The following RRM1 variants were observed in gnomAD, a reference collection of about 807,000 sequenced individuals.
RRM1 encodes the protein ribonucleoside-diphosphate reductase large subunit.
Under a neutral mutation model 101.5 loss-of-function variants are expected in RRM1, and 19 were observed. The observed-to-expected ratio is 0.19, with a 90% CI of 0.13 to 0.27. The LOEUF (loss-of-function observed/expected upper bound fraction) is 0.27. Among genes scored for constraint, RRM1 ranks in the 10% least tolerant of loss-of-function variants. The pLI, the probability that RRM1 is intolerant of heterozygous loss-of-function variation, is 1.00. For synonymous variants in RRM1, 298 were observed against 323.4 expected (o/e 0.92, Z 0.84); for missense variants, 500 against 962.9 (o/e 0.52, Z 6.36).
chr11:4,099,974 G>A (rs1026467529), intron 1 of RRM1, among the ~76,000 whole-genome samples: 6 of 151,632 alleles, frequency 4.0e-5, no homozygotes, highest in African/African-American at 1.5e-4. Context: ...ATTGCAGAAC[G>A]CTAATGTTGC....
chr11:4,132,360 A>G lies in RRM1; in HGVS notation c.1844A>G (p.Glu615Gly). ...ASTAQILGNN[E>G]SIEPYTSNIY... ...ACTGCTCAGATCCTGGGGAATAATG[A>G]GTCCATTGAACCTTACACCAGCAAC... Residue 615 changes from glutamate (E) to glycine (G), a missense_variant, in exon 16 of 19, where the codon GAG (glutamate) becomes GGG (glycine). Glu to Gly is a moderately conservative substitution (Grantham distance 98). Transcript: ENST00000300738. This position sits in a 1 kb window ranked among gnomAD's most constrained non-coding sequence, Gnocchi z 4.1. The G allele has an allele frequency of 6.2e-7, 1 of 1,614,092 alleles. No homozygotes were observed. Among genetic ancestry groups the G allele is most frequent in the Non-Finnish European group, 8.5e-7 (1 of 1,179,978 alleles).
At chr11:4,107,598 T>C (rs1378142529) in intron 4 of RRM1, 63 bp downstream of exon 4, 2 of 1,021,458 alleles carry the variant, frequency 2.0e-6, no homozygotes, top group Non-Finnish European at 1.5e-6. Context: ...GCACACATTT[T>C]AGAAAATTTA....
chr11:4,105,464 C>T (rs908185977), intron 2 of RRM1: 2 of 342,770 alleles, frequency 5.8e-6, no homozygotes, highest in Non-Finnish European at 1.1e-5. Flanking sequence ...CTCCTGGGCT[C>T]AAGCGAGCCT....
chr11:4,101,373 C>G (rs936149143), intron 1 of RRM1, among the ~76,000 whole-genome samples: 1 of 151,432 alleles, frequency 6.6e-6, no homozygotes, highest in Non-Finnish European at 1.5e-5. Flanking sequence ...AATGCAATGG[C>G]GTGATCTCAG....
intron 15 of RRM1, among the ~76,000 whole-genome samples, chr11:4,130,086 A>ATATATATATATATATATT (rs1202870487): frequency 1.2e-4 from 12 of 99,444 alleles, no homozygotes; most frequent in South Asian, 3.1e-4. Context: ...ATATATATAT[A>ATATATATATATATATATT]TTTTTTTTTT....
intron 12 of RRM1, among the ~76,000 whole-genome samples, chr11:4,126,011 C>T (rs1249991854): frequency 6.6e-6 from 1 of 152,182 alleles, no homozygotes; most frequent in Non-Finnish European, 1.5e-5. Flanking sequence ...ATTATCAAGA[C>T]TTACTGTGTG....
intron 4 of RRM1, 110 bp from the exon 5 acceptor site, chr11:4,109,534 T>C: frequency 1.4e-6 from 1 of 709,996 alleles, no homozygotes; most frequent in Non-Finnish European, 2.3e-6. Flanking sequence ...TGTTATCTCA[T>C]TGTATCCTGT....
Position 4,101,559 on chromosome 11 carries a change from A to AC in RRM1, c.20-425dup, listed in dbSNP as rs1210051127. ...GAACTCCTGACCTCCAGTGATCCAC[A>AC]CCCCCCCCCGCTCCCTTGGCCTCCC... is the stretch of plus-strand genomic sequence containing the variant. On this transcript the variant is annotated intron_variant, in intron 1 of 18. Transcript: ENST00000300738. Among the ~76,000 whole-genome samples, 43 of 105,910 alleles carry AC rather than the reference A, an allele frequency of 4.1e-4. 4 individuals carry two copies. The highest frequency in any genetic ancestry group is 1.7e-3 in the African/African-American group (38 of 22,820). The allele number at this position is 105,910 out of a possible 152,430, so 69.5% of individuals were successfully genotyped here.
intron 17 of RRM1, 87 bp downstream of exon 17, chr11:4,133,745 G>C: frequency 1.4e-6 from 1 of 726,650 alleles, no homozygotes; most frequent in Non-Finnish European, 2.4e-6. Flanking sequence ...TGGAGAGAAT[G>C]ACTTCATTGT....
At chr11:4,135,032 A>G (rs1395389641) in intron 17 of RRM1, 50 bp from the exon 18 acceptor site, 1 of 1,389,884 alleles carries the variant, frequency 7.2e-7, no homozygotes, top group Non-Finnish European at 1.0e-6. Context: ...TTAATCATAC[A>G]CTGCTTTCTT....
At chr11:4,122,385 G>A (rs1294805681) in intron 11 of RRM1, among the ~76,000 whole-genome samples, 165 bp downstream of exon 11, 1 of 152,174 alleles carries the variant, frequency 6.6e-6, no homozygotes, top group Non-Finnish European at 1.5e-5. Context: ...CACCAAAATT[G>A]AGTTGTGTCT....
chr11:4,098,415 C>CTCCTTCCT (rs1176661396), intron 1 of RRM1, among the ~76,000 whole-genome samples: 1 of 118,844 alleles, frequency 8.4e-6, no homozygotes, highest in Non-Finnish European at 1.8e-5. Flanking sequence ...CCGTCCCTTC[C>CTCCTTCCT]TCCTTCCTTC....
intron 18 of RRM1, among the ~76,000 whole-genome samples, chr11:4,136,152 C>A (rs1487249480): frequency 6.6e-6 from 1 of 151,880 alleles, no homozygotes; most frequent in Non-Finnish European, 1.5e-5. Flanking sequence ...TGAGAGTACT[C>A]CTAGAGGAGA....
chr11:4,133,980 A>ATTTTTTTTTTTTTTTT (rs34715101), intron 17 of RRM1, among the ~76,000 whole-genome samples: 3 of 90,866 alleles, frequency 3.3e-5, no homozygotes, highest in African/African-American at 4.5e-5. Flanking sequence ...CCAGACATCA[A>ATTTTTTTTTTTTTTTT]TTTTTTTTTT....
At chr11:4,122,734 G>A (rs916503480) in intron 11 of RRM1, among the ~76,000 whole-genome samples, 1 of 152,072 alleles carries the variant, frequency 6.6e-6, no homozygotes, top group Non-Finnish European at 1.5e-5. Context: ...TTAGCTGGGC[G>A]TGGTGGTGCA....
At chr11:4,095,812 A>G (rs2094542823) in intron 1 of RRM1, among the ~76,000 whole-genome samples, 1 of 152,174 alleles carries the variant, frequency 6.6e-6, no homozygotes, top group African/African-American at 2.4e-5. Flanking sequence ...TTGTAGGAGG[A>G]GACAGTCCCT....
At chr11:4,122,011 G>C (rs894466989) in intron 10 of RRM1, 130 bp from the exon 11 acceptor site, 1 of 777,696 alleles carries the variant, frequency 1.3e-6, no homozygotes, top group Admixed American at 3.0e-5. Flanking sequence ...GCCTGAACCT[G>C]AAAATGATTA....
At chr11:4,126,148 A>T (rs145078124) in intron 12 of RRM1, among the ~76,000 whole-genome samples, 1 of 152,244 alleles carries the variant, frequency 6.6e-6, no homozygotes, top group Non-Finnish European at 1.5e-5. Flanking sequence ...ATTGAGATCC[A>T]TTGTTGCTAA....
chr11:4,119,763 T>C, intron 8 of RRM1, 82 bp from the exon 9 acceptor site: 1 of 820,644 alleles, frequency 1.2e-6, no homozygotes, highest in South Asian at 1.5e-5. Flanking sequence ...ATTAGGCATC[T>C]TTTTTGATAA....
Sources: allele counts gnomAD v4.1 joint callset (sites outside exome capture counted in the v4.1 genomes callset), GRCh38; gene constraint gnomAD v4.1.1; non-coding constraint Gnocchi (gnomAD v3.1); transcripts MANE v1.5; gene names NCBI Gene and HGNC (gene_info 2026-07-23, HGNC 2026-07-21).